The following EPHA6 variants were observed in gnomAD, a reference collection of about 807,000 sequenced individuals.
EPHA6 encodes the protein EPH receptor A6.
A neutral mutation model predicts 112.0 loss-of-function variants in EPHA6; 50 were observed. The ratio of observed to expected loss-of-function variants is 0.45; its 90% CI spans 0.36 to 0.56. The LOEUF (loss-of-function observed/expected upper bound fraction) is 0.56. Ranked by LOEUF, EPHA6 falls within the 20% of genes least tolerant of loss-of-function variation. EPHA6 has a pLI of 0.00. For missense variants in EPHA6, 1,280 were observed against 1,417.4 expected, an observed-to-expected ratio of 0.90 and a Z score of 1.56; for synonymous variants, 529 against 490.7, an observed-to-expected ratio of 1.08 and a Z score of -1.03.
chr3:96,948,370 C>A (rs1037182640), intron 2 of EPHA6, among the ~76,000 whole-genome samples: 3 of 152,078 alleles, frequency 2.0e-5, no homozygotes, highest in African/African-American at 7.2e-5. Context: ...TCATATGTAA[C>A]CTTGGCATAA....
At chr3:97,364,558 T>G (rs1170152862) in intron 5 of EPHA6, among the ~76,000 whole-genome samples, 1 of 151,972 alleles carries the variant, frequency 6.6e-6, no homozygotes, top group East Asian at 1.9e-4. Context: ...GAGTCATGTT[T>G]TAAAAGAGTA....
chr3:97,649,187 A>G (rs1213294791), intron 14 of EPHA6, among the ~76,000 whole-genome samples: 1 of 152,120 alleles, frequency 6.6e-6, no homozygotes, highest in Non-Finnish European at 1.5e-5. Context: ...AGGCCTCACA[A>G]TCATGGCAGA....
intron 16 of EPHA6, among the ~76,000 whole-genome samples, chr3:97,744,856 GAA>G (rs1219679352): frequency 6.6e-6 from 1 of 151,888 alleles, no homozygotes; most frequent in Admixed American, 6.6e-5. Flanking sequence ...AGTATGAAGG[GAA>G]AGTCACTTTA....
At chr3:97,427,507 T>C (rs1024682564) in intron 6 of EPHA6, among the ~76,000 whole-genome samples, 1 of 151,624 alleles carries the variant, frequency 6.6e-6, no homozygotes, top group Admixed American at 6.6e-5. Context: ...CATGGACACA[T>C]AGAGGAATAA....
intron 14 of EPHA6, among the ~76,000 whole-genome samples, chr3:97,656,060 G>T (rs986763470): frequency 2.6e-5 from 4 of 151,774 alleles, no homozygotes; most frequent in Admixed American, 2.6e-4. Flanking sequence ...GTATTCTACA[G>T]TGAGTATTGT....
intron 3 of EPHA6, among the ~76,000 whole-genome samples, chr3:97,001,268 A>T (rs2043653185): frequency 6.6e-6 from 1 of 151,896 alleles, no homozygotes; most frequent in African/African-American, 2.4e-5. Flanking sequence ...TTATTTGAAG[A>T]ATAATGTATT....
chr3:97,572,362 G>A (rs185894842), intron 11 of EPHA6, among the ~76,000 whole-genome samples: 3 of 152,042 alleles, frequency 2.0e-5, no homozygotes, highest in East Asian at 3.9e-4. Flanking sequence ...GTGTTAGCCA[G>A]GATCGTCTCG....
Position 96,973,824 on chromosome 3 carries a change from C to CA in EPHA6, c.451-13490dup, listed in dbSNP as rs374520473. ...TGGGCGACAGAGCGAGACTCCATATCAAAAAAAAAAAAAAAAGAAAAAGAA... is the reference window on the plus strand; with the variant it reads ...TGGGCGACAGAGCGAGACTCCATATCAAAAAAAAAAAAAAAAAGAAAAAGAA... On this transcript the variant is annotated intron_variant, in intron 2 of 17. Coordinates refer to ENST00000389672, the MANE Select transcript of EPHA6 (RefSeq NM_001080448.3). 9.0e-3 allele frequency among the ~76,000 whole-genome samples: 471 copies of CA among 52,542 alleles called. 3 individuals are homozygous for CA. Among genetic ancestry groups the CA allele is most frequent in the Middle Eastern group, 0.045 (3 of 66 alleles). The allele number at this position is 52,542 out of a possible 152,430, so 34.5% of individuals were successfully genotyped here.
intron 5 of EPHA6, among the ~76,000 whole-genome samples, chr3:97,255,144 ATGTGTG>A (rs10631180): frequency 0.091 from 13,076 of 144,306 alleles, 1,204 homozygotes; most frequent in Admixed American, 0.22. Context: ...TACATCTTGG[ATGTGTG>A]TGTGTGTGTG....
intron 3 of EPHA6, among the ~76,000 whole-genome samples, chr3:97,081,722 A>G (rs2046726457): frequency 6.6e-6 from 1 of 151,726 alleles, no homozygotes; most frequent in Non-Finnish European, 1.5e-5. Context: ...AGAAAAGATA[A>G]AATAATCTAG....
At chr3:97,186,717 C>T (rs1473999690) in intron 3 of EPHA6, among the ~76,000 whole-genome samples, 1 of 152,062 alleles carries the variant, frequency 6.6e-6, no homozygotes, top group African/African-American at 2.4e-5. Flanking sequence ...TCTTGAGGAT[C>T]ATTCATTTTT....
intron 8 of EPHA6, among the ~76,000 whole-genome samples, chr3:97,476,774 G>A (rs981848938): frequency 6.6e-6 from 1 of 152,092 alleles, no homozygotes. Context: ...TTCTAATGTG[G>A]TTGAGTTAAA....
chr3:97,731,999 C>A (rs1031520766), intron 15 of EPHA6, among the ~76,000 whole-genome samples: 10 of 152,102 alleles, frequency 6.6e-5, no homozygotes, highest in Admixed American at 2.6e-4. Flanking sequence ...CTGCAAAGCT[C>A]CTTCCTGGAT....
At chr3:97,508,419 A>T (rs2092298281) in intron 10 of EPHA6, among the ~76,000 whole-genome samples, 1 of 152,116 alleles carries the variant, frequency 6.6e-6, no homozygotes, top group Non-Finnish European at 1.5e-5. Context: ...TTCATTATTT[A>T]CCCAGTAGTC....
intron 6 of EPHA6, among the ~76,000 whole-genome samples, chr3:97,426,632 C>T (rs527318517): frequency 2.0e-5 from 3 of 152,288 alleles, no homozygotes; most frequent in African/African-American, 7.2e-5. Flanking sequence ...TCTGGACATA[C>T]ACCCTGGCAA....
intron 3 of EPHA6, among the ~76,000 whole-genome samples, chr3:97,032,788 C>T (rs1212340219): frequency 6.6e-6 from 1 of 151,962 alleles, no homozygotes; most frequent in East Asian, 1.9e-4. Flanking sequence ...CAACCCCAGA[C>T]CTTACCTATT....
intron 3 of EPHA6, among the ~76,000 whole-genome samples, chr3:97,198,458 A>G (rs2077495951): frequency 1.3e-5 from 2 of 152,164 alleles, no homozygotes; most frequent in South Asian, 4.1e-4. Flanking sequence ...TAGCCCGAGT[A>G]CTATAGAAGT....
chr3:97,718,583 T>C (rs2034358450), intron 14 of EPHA6, among the ~76,000 whole-genome samples: 1 of 152,176 alleles, frequency 6.6e-6, no homozygotes, highest in Admixed American at 6.5e-5. Flanking sequence ...AATTTAACCA[T>C]GAGTCCCTTA....
At chr3:97,261,716 C>G (rs74867178) in intron 5 of EPHA6, among the ~76,000 whole-genome samples, 1 of 152,098 alleles carries the variant, frequency 6.6e-6, no homozygotes, top group African/African-American at 2.4e-5. Context: ...AGATGTGGTG[C>G]AACCTTTATT....
Sources: gnomAD v4.1 joint callset for allele counts (sites outside exome capture counted in the v4.1 genomes callset) on GRCh38, gnomAD v4.1.1 for gene constraint, MANE v1.5 for transcripts, NCBI Gene and HGNC (gene_info 2026-07-23, HGNC 2026-07-21) for gene names.